Variants in SHOC1 observed in about 807,000 individuals in gnomAD.
SHOC1 encodes the protein shortage in chiasmata 1, also known as protein shortage in chiasmata 1 ortholog.
A neutral mutation model predicts 179.2 loss-of-function variants in SHOC1; 136 were observed. The ratio of observed to expected loss-of-function variants is 0.76; its 90% CI spans 0.66 to 0.87. The LOEUF (loss-of-function observed/expected upper bound fraction) is 0.87. SHOC1 is among the 40% of genes least tolerant of loss of function. The pLI is 0.00. For synonymous variants in SHOC1, 489 were observed against 586.6 expected, an observed-to-expected ratio of 0.83 and a Z score of 2.41; for missense variants, 1,538 against 1,700.8, an observed-to-expected ratio of 0.90 and a Z score of 1.68.
chr9:111,754,972 G>A (rs1834789805), intron 8 of SHOC1, among the ~76,000 whole-genome samples: 1 of 152,148 alleles, frequency 6.6e-6, no homozygotes. Context: ...CCTGTAGCAG[G>A]CAACTTTATT....
Position 111,692,407 on chromosome 9 carries a change from C to A in SHOC1, c.3570G>T (p.Leu1190Phe). 6.2e-7 allele frequency: 1 copy of A among 1,613,530 alleles called. No individual in the cohort carries two copies. The highest frequency in any genetic ancestry group is 8.5e-7 in the Non-Finnish European group (1 of 1,179,794). ...AATCAGAAGCTGAACTTTGAGAAGACAAGGTACTAATCTGATTCCTATTTT... is the reference window on the plus strand; with the variant it reads ...AATCAGAAGCTGAACTTTGAGAAGAAAAGGTACTAATCTGATTCCTATTTT... ...PQENRNQIST[L>F]SSQSSASDLD... The change falls in exon 27 of 28, where the codon TTG becomes TTT. Residue 1190 changes from leucine (L) to phenylalanine (F), a missense_variant. Physicochemically the swap from Leu to Phe is conservative, Grantham distance 22. Transcript: ENST00000682961.
chr9:111,779,319 G>A (rs769807427), intron 4 of SHOC1, among the ~76,000 whole-genome samples: 7 of 152,112 alleles, frequency 4.6e-5, no homozygotes, highest in Admixed American at 1.3e-4. Context: ...CTGAGATTCT[G>A]CATTTCCAAT....
At chr9:111,759,162 A>C in intron 5 of SHOC1, 1 of 1,608,410 alleles carries the variant, frequency 6.2e-7, no homozygotes, top group South Asian at 1.1e-5. Context: ...TTACACTTCA[A>C]AATAGCCAGG....
intron 10 of SHOC1, 75 bp from the exon 11 acceptor site, chr9:111,741,645 T>C (rs1036409439): frequency 1.5e-5 from 12 of 800,440 alleles, no homozygotes; most frequent in Non-Finnish European, 2.2e-5. Context: ...TTTTATTTTA[T>C]TTTTTTGAGG....
intron 12 of SHOC1, among the ~76,000 whole-genome samples, chr9:111,729,074 T>C (rs1300133822): frequency 6.6e-6 from 1 of 152,156 alleles, no homozygotes; most frequent in Non-Finnish European, 1.5e-5. Flanking sequence ...ATCTGAGCCT[T>C]TACTAAGTCA....
intron 27 of SHOC1, 97 bp downstream of exon 27, chr9:111,691,454 G>T: frequency 5.3e-6 from 6 of 1,138,180 alleles, no homozygotes; most frequent in South Asian, 1.7e-5. Context: ...TTTTTTAAAT[G>T]TAGTAATTAA....
intron 18 of SHOC1, among the ~76,000 whole-genome samples, chr9:111,709,297 G>T (rs1221097858): frequency 6.6e-6 from 1 of 152,176 alleles, no homozygotes; most frequent in Non-Finnish European, 1.5e-5. Flanking sequence ...AGCCGAGATC[G>T]TGCCATTGCA....
chr9:111,792,491 AC>A (rs1836482169), intron 1 of SHOC1, among the ~76,000 whole-genome samples: 1 of 152,126 alleles, frequency 6.6e-6, no homozygotes, highest in Non-Finnish European at 1.5e-5. Flanking sequence ...AGTCCCAGGT[AC>A]CCGAGAGGCT....
intron 4 of SHOC1, among the ~76,000 whole-genome samples, chr9:111,777,158 CAT>C (rs1835867044): frequency 2.0e-5 from 3 of 152,048 alleles, no homozygotes; most frequent in Admixed American, 1.3e-4. Flanking sequence ...TCAGCTGATC[CAT>C]AGAGTGCAGG....
At position 111,689,437 on chromosome 9, in the gene SHOC1, C is replaced by T. The variant is rs543436743; in HGVS notation, c.4426+2114G>A. ...AAAGCAATGTAGTAAGTAATTATAT[C>T]ATAGAGATCCCATATATACACTTCG... On this transcript the variant is annotated intron_variant, in intron 27 of 27. Coordinates refer to ENST00000682961, the MANE Select transcript of SHOC1 (RefSeq NM_001378211.1). 4.6e-4 allele frequency among the ~76,000 whole-genome samples: 70 copies of T among 151,298 alleles called. No individual in the cohort carries two copies. The South Asian group carries it at 6.5e-3, about 14-fold the overall frequency.
chr9:111,759,747 C>T (rs1357250248), intron 5 of SHOC1, among the ~76,000 whole-genome samples: 1 of 152,172 alleles, frequency 6.6e-6, no homozygotes, highest in Non-Finnish European at 1.5e-5. Context: ...CGCTGAATGG[C>T]ATAAGAAAAG....
At chr9:111,761,267 T>C (rs1026040394) in intron 5 of SHOC1, among the ~76,000 whole-genome samples, 4 of 152,154 alleles carry the variant, frequency 2.6e-5, no homozygotes, top group African/African-American at 9.7e-5. Context: ...TTTGGGAGGC[T>C]GAAGTGGGCA....
intron 5 of SHOC1, among the ~76,000 whole-genome samples, chr9:111,772,956 A>G (rs1265871816): frequency 6.6e-6 from 1 of 151,924 alleles, no homozygotes; most frequent in Non-Finnish European, 1.5e-5. Flanking sequence ...TTTTTCCAGC[A>G]TAGAAACCAT....
intron 11 of SHOC1, among the ~76,000 whole-genome samples, chr9:111,741,245 C>T (rs1430517542): frequency 6.6e-6 from 1 of 151,696 alleles, no homozygotes; most frequent in Non-Finnish European, 1.5e-5. Flanking sequence ...TTTTCTTTTC[C>T]TTCTCCCATG....
intron 3 of SHOC1, among the ~76,000 whole-genome samples, chr9:111,782,932 C>T (rs1177624827): frequency 6.6e-6 from 1 of 151,630 alleles, no homozygotes; most frequent in Non-Finnish European, 1.5e-5. Flanking sequence ...TACCTGCAAA[C>T]TCTATCTTCC....
chr9:111,784,200 A>G (rs1836181487), intron 3 of SHOC1, among the ~76,000 whole-genome samples: 1 of 152,192 alleles, frequency 6.6e-6, no homozygotes, highest in Admixed American at 6.5e-5. Context: ...TTAATGATCC[A>G]TTTAGATGCC....
At chr9:111,776,900 T>C (rs1192423500) in intron 4 of SHOC1, among the ~76,000 whole-genome samples, 1 of 152,164 alleles carries the variant, frequency 6.6e-6, no homozygotes, top group African/African-American at 2.4e-5. Context: ...GGAATTGCAA[T>C]GGATAGAGAC....
chr9:111,778,652 T>C (rs912657804), intron 4 of SHOC1, among the ~76,000 whole-genome samples: 2 of 149,284 alleles, frequency 1.3e-5, no homozygotes, highest in Non-Finnish European at 1.5e-5. Flanking sequence ...ATGCCTGTAA[T>C]ATCAGCTACT....
intron 18 of SHOC1, among the ~76,000 whole-genome samples, chr9:111,709,371 T>A (rs1322467582): frequency 6.6e-6 from 1 of 152,054 alleles, no homozygotes; most frequent in East Asian, 1.9e-4. Flanking sequence ...CAAACAAACC[T>A]AATCTGCTTA....
Sources: gnomAD v4.1 joint callset for allele counts (sites outside exome capture counted in the v4.1 genomes callset) on GRCh38, gnomAD v4.1.1 for gene constraint, MANE v1.5 for transcripts, NCBI Gene and HGNC (gene_info 2026-07-23, HGNC 2026-07-21) for gene names.